Variants in PWWP2A observed in about 807,000 individuals in gnomAD.
PWWP2A encodes PWWP domain containing 2A.
A neutral mutation model predicts 48.5 loss-of-function variants in PWWP2A; 18 were observed. The observed-to-expected ratio is 0.37, with a 90% confidence interval of 0.26 to 0.55. PWWP2A has a LOEUF of 0.55. PWWP2A is among the 20% of genes least tolerant of loss of function. The pLI is 0.81. For missense variants in PWWP2A, 867 were observed against 976.4 expected (o/e 0.89, Z 1.49); for synonymous variants, 396 against 387.7 (o/e 1.02, Z -0.25).
chr5:160,054,118 A>G, the PWWP2A span, among the ~76,000 whole-genome samples: 1 of 152,140 alleles, frequency 6.6e-6, no homozygotes, highest in Non-Finnish European at 1.5e-5. Flanking sequence ...CTCTGGGATA[A>G]TTAGCCTCCC....
Position 160,069,091 on chromosome 5 carries a change from G to A in PWWP2A, c.*80-2220C>T, listed in dbSNP as rs1306979288. Among the ~76,000 whole-genome samples, 5 of 152,052 alleles carry A rather than the reference G, an allele frequency of 3.3e-5. No individual in the cohort carries two copies. The Middle Eastern group carries it at 0.01, about 310-fold the overall frequency. ...GCAGACTGCTTTAGCTCAGGAGTTCGAGACCAGCCTGAGCAATATGGTGAA... is the reference window on the plus strand; with the variant it reads ...GCAGACTGCTTTAGCTCAGGAGTTCAAGACCAGCCTGAGCAATATGGTGAA... On this transcript the variant is annotated intron_variant and NMD_transcript_variant, in intron 2 of 5. Transcript: ENST00000524050.
In PWWP2A at chr5:160,106,827, T is replaced by C. The variant is rs1246700784; in HGVS notation, c.584+11978A>G. Among the ~76,000 whole-genome samples the C allele has an allele frequency of 2.0e-5, 3 of 146,924 alleles. No homozygotes were observed. The East Asian group carries it at 5.9e-4, about 29-fold the overall frequency. Reference sequence around the variant, plus strand: ...TGTTAACTAACCATTAACCTTTTTTTTTTTTTTTTTTTTTTGAGACAGAGT... The same window carrying C: ...TGTTAACTAACCATTAACCTTTTTTCTTTTTTTTTTTTTTTGAGACAGAGT... On this transcript the variant is annotated intron_variant, in intron 1 of 1. Transcript: ENST00000307063.
At chr5:160,113,437 C>T (rs541540359) in intron 1 of PWWP2A, 1 of 548,630 alleles carries the variant, frequency 1.8e-6, no homozygotes, top group East Asian at 1.5e-4. Context: ...ACTCAAACAC[C>T]TTTTCCACAC....
At position 160,119,065 on chromosome 5, in the gene PWWP2A, C is replaced by G; in HGVS notation, c.324G>C (p.Gln108His). The G allele has an allele frequency of 1.3e-6, 2 of 1,590,670 alleles. No individual in the cohort carries two copies. The highest frequency in any genetic ancestry group is 1.1e-5 in the South Asian group (1 of 90,334). The change falls in exon 1 of 2, where the codon CAG becomes CAC. Residue 108 changes from glutamine (Q) to histidine (H), a missense_variant. Transcript: ENST00000307063. Reference sequence around the variant, plus strand: ...GAGAAGGTGGAAGTTCCGGCCCTCCCTGAGGCGCGGCTGCCGCCGACTCCG... The same window carrying G: ...GAGAAGGTGGAAGTTCCGGCCCTCCGTGAGGCGCGGCTGCCGCCGACTCCG... ...RVAESAAAAP[Q>H]GGPELPPSPA...
intron 5 of PWWP2A, chr5:160,062,240 G>A (rs1285987889): frequency 1.3e-5 from 2 of 152,226 alleles, no homozygotes; most frequent in Non-Finnish European, 2.9e-5. Context: ...CTCGTCGGCA[G>A]TTTGAATATT....
rs756464562 is a variant in PWWP2A, at chr5:160,078,910, T to C, written c.1670-742A>G. On this transcript the variant is annotated intron_variant, in intron 3 of 3. Transcript: ENST00000456329. This position sits in a 1 kb window ranked among gnomAD's most constrained non-coding sequence, Gnocchi z 4.2. The stretch of plus-strand genomic sequence containing the variant: ...GCGCACTGTTTATAAAGGGCAAGGC[T>C]TATACAAATTACTGCTAAATAGCAT... 1.5e-4 allele frequency among the ~76,000 whole-genome samples: 23 copies of C among 152,088 alleles called. No homozygotes were observed. The highest frequency in any genetic ancestry group is 8.5e-4 in the Admixed American group (13 of 15,264).
At chr5:160,094,130 C>T (rs1325633821) in intron 1 of PWWP2A, 65 bp from the exon 2 acceptor site, 20 of 1,441,572 alleles carry the variant, frequency 1.4e-5, no homozygotes, top group Middle Eastern at 2.4e-4. Flanking sequence ...ATTTCTTAAA[C>T]GTAAACAACA....
At position 160,109,769 on chromosome 5, in the gene PWWP2A, AAAAAAATATATATAT is replaced by A. The variant is rs1160584135; in HGVS notation, c.584+9021_584+9035del. Among the ~76,000 whole-genome samples the A allele has an allele frequency of 5.2e-4, 34 of 65,804 alleles. 1 individual carries two copies. The highest frequency in any genetic ancestry group is 3.8e-3 in the South Asian group (7 of 1,828). 43.2% of individuals were successfully genotyped at this position (65,804 alleles called of 152,430 possible). ...AGGATGCAACTGGGAAAAAAAAAAAAAAAAAATATATATATATATATATATATATATATATATATA... is the reference window on the plus strand; with the variant it reads ...AGGATGCAACTGGGAAAAAAAAAAAAATATATATATATATATATATATATA... On this transcript the variant is annotated intron_variant, in intron 1 of 1. Coordinates refer to ENST00000307063, the MANE Select transcript of PWWP2A (RefSeq NM_001130864.2).
At chr5:160,088,377 C>T (rs1199549965), downstream of PWWP2A, among the ~76,000 whole-genome samples, 1 of 152,126 alleles carries the variant, frequency 6.6e-6, no homozygotes, top group Non-Finnish European at 1.5e-5. Context: ...GGATTACAGG[C>T]GTATGCCACC....
intron 1 of PWWP2A, among the ~76,000 whole-genome samples, chr5:160,097,940 C>T (rs1231726731): frequency 1.3e-5 from 2 of 152,112 alleles, no homozygotes; most frequent in African/African-American, 2.4e-5. Flanking sequence ...TTTTGAACTT[C>T]TGGCCTGAAG....
the PWWP2A span, among the ~76,000 whole-genome samples, chr5:160,045,115 G>T: frequency 1.2e-4 from 19 of 152,116 alleles, no homozygotes; most frequent in Admixed American, 1.2e-3. Flanking sequence ...GGAACAAGCT[G>T]CTGGTTTTCA....
rs553405390 is a variant in PWWP2A, at chr5:160,119,450, T to A, written c.-62A>T. 2.2e-6 allele frequency: 3 copies of A among 1,350,192 alleles called. No homozygotes were observed. The highest frequency in any genetic ancestry group is 1.9e-6 in the Non-Finnish European group (2 of 1,057,416). 83.6% of individuals were successfully genotyped at this position (1,350,192 alleles called of 1,614,324 possible). A position where few individuals can be genotyped will look rare whatever the true frequency, so the allele number is the denominator to read the frequency against. On this transcript the variant is annotated 5_prime_UTR_variant, in exon 1 of 2. Coordinates refer to ENST00000307063, the MANE Select transcript of PWWP2A (RefSeq NM_001130864.2). ...CAGCGGCGGCGGCGACAGCGCTGCT[T>A]GGTTCCCTGGGCCTTCCCCTCCCTC...
rs184895540 is a variant in PWWP2A, at chr5:160,081,674, A to G, written c.1550-904T>C. On this transcript the variant is annotated intron_variant, in intron 2 of 3. Coordinates refer to the PWWP2A transcript ENST00000456329. ...GTAATACCTCGTTGAAATAACAGTT[A>G]TAACAAGATAAGCTTTTTTATGACA... is the stretch of plus-strand genomic sequence containing the variant. 2.0e-5 allele frequency among the ~76,000 whole-genome samples: 3 copies of G among 152,364 alleles called. No individual in the cohort carries two copies. In the East Asian group the frequency reaches 5.8e-4, roughly 29 times the overall value.
chr5:160,091,272 C>G (rs748724571), downstream of PWWP2A: 3 of 976,494 alleles, frequency 3.1e-6, no homozygotes, highest in Non-Finnish European at 3.6e-6. Context: ...TCTAAACACT[C>G]TTACAAAGAA....
At chr5:160,071,738 C>T (rs537100814), downstream of PWWP2A, among the ~76,000 whole-genome samples, 15 of 152,244 alleles carry the variant, frequency 9.9e-5, no homozygotes, top group Admixed American at 7.8e-4. Flanking sequence ...CTCTCAGCTG[C>T]GCAGCCCCCA....
chr5:160,090,400 C>A, downstream of PWWP2A: 1 of 983,226 alleles, frequency 1.0e-6, no homozygotes, highest in Non-Finnish European at 1.2e-6. Context: ...TGAACAAGTT[C>A]ATTAATCTGA....
downstream of PWWP2A, among the ~76,000 whole-genome samples, chr5:160,072,420 TACA>T (rs1280452615): frequency 6.6e-6 from 1 of 152,200 alleles, no homozygotes; most frequent in Non-Finnish European, 1.5e-5. Context: ...AATGACTGCT[TACA>T]ACCCTTCAAG....
At chr5:160,113,168 AAAG>A in intron 1 of PWWP2A, 3 of 960,044 alleles carry the variant, frequency 3.1e-6, no homozygotes, top group Non-Finnish European at 3.7e-6. Context: ...CAAAAAAAAA[AAAG>A]AAAAAAAGCC....
At chr5:160,086,340 G>A (rs1428046340), downstream of PWWP2A, among the ~76,000 whole-genome samples, 2 of 151,832 alleles carry the variant, frequency 1.3e-5, no homozygotes, top group Non-Finnish European at 2.9e-5. Context: ...GCAACATAGT[G>A]TGACCCTGTC....
Sources: allele counts gnomAD v4.1 joint callset (sites outside exome capture counted in the v4.1 genomes callset), GRCh38; gene constraint gnomAD v4.1.1; non-coding constraint Gnocchi (gnomAD v3.1); transcripts MANE v1.5; gene names NCBI Gene and HGNC (gene_info 2026-07-23, HGNC 2026-07-21).